ADGRB3: variants seen among roughly 807,000 people sequenced by gnomAD.
ADGRB3 encodes adhesion G protein-coupled receptor B3.
In ADGRB3, 37 loss-of-function variants were observed where a neutral mutation model predicts 193.4. The ratio of observed to expected loss-of-function variants is 0.19; its 90% CI spans 0.15 to 0.25. ADGRB3 has a LOEUF of 0.25. Ranked by LOEUF, ADGRB3 falls within the 10% of genes least tolerant of loss-of-function variation. The pLI, the probability that ADGRB3 is intolerant of heterozygous loss-of-function variation, is 1.00. For missense variants in ADGRB3, 1,637 were observed against 1,852.9 expected, an observed-to-expected ratio of 0.88 and a Z score of 2.14; for synonymous variants, 690 against 644.2, an observed-to-expected ratio of 1.07 and a Z score of -1.08.
chr6:69,272,385 G>A (rs1209087808), intron 20 of ADGRB3, among the ~76,000 whole-genome samples: 4 of 152,082 alleles, frequency 2.6e-5, no homozygotes, highest in Admixed American at 2.0e-4. Context: ...AAATAATTCT[G>A]CACAACAAAA....
intron 29 of ADGRB3, among the ~76,000 whole-genome samples, chr6:69,363,755 G>A (rs913762046): frequency 2.6e-5 from 4 of 151,926 alleles, no homozygotes; most frequent in African/African-American, 9.7e-5. Context: ...TTTGGAAATG[G>A]GGCTGTGTTC....
At chr6:69,087,681 A>C (rs1167637572) in intron 17 of ADGRB3, among the ~76,000 whole-genome samples, 1 of 152,168 alleles carries the variant, frequency 6.6e-6, no homozygotes, top group African/African-American at 2.4e-5. Context: ...CAAATGAACC[A>C]TGAGAGTTGA....
intron 3 of ADGRB3, among the ~76,000 whole-genome samples, chr6:68,894,587 A>G (rs72902997): frequency 0.034 from 5,095 of 152,048 alleles, 130 homozygotes; most frequent in Non-Finnish European, 0.051. Context: ...AGTAGAAAGT[A>G]GATAATTACC....
At chr6:69,210,965 A>G (rs1765651500) in intron 17 of ADGRB3, among the ~76,000 whole-genome samples, 1 of 151,962 alleles carries the variant, frequency 6.6e-6, no homozygotes, top group African/African-American at 2.4e-5. Flanking sequence ...AATACAAAAA[A>G]AAAAAAATTA....
Position 69,360,987 on chromosome 6 carries a change from A to C in ADGRB3, c.3714A>C (p.Ser1238=). 6.2e-7 allele frequency: 1 copy of C among 1,612,848 alleles called. No homozygotes were observed. The change falls in exon 29 of 32, where the codon TCA becomes TCC. Residue 1238 remains serine (S), a synonymous_variant. Coordinates refer to ENST00000370598, the MANE Select transcript of ADGRB3 (RefSeq NM_001704.3). The stretch of plus-strand genomic sequence containing the variant: ...CAAACCCTGAAGGGCTAAGCTATTC[A>C]ACATTGCCTGGAAATGTCATTTCCA... ...KGTNPEGLSY[S]TLPGNVISKV...
At chr6:69,379,403 A>T (rs2127344412) in intron 30 of ADGRB3, among the ~76,000 whole-genome samples, 1 of 152,188 alleles carries the variant, frequency 6.6e-6, no homozygotes, top group Non-Finnish European at 1.5e-5. Context: ...ATAGACCAAT[A>T]GATTTATAAG....
chr6:68,960,311 T>C (rs1768196218), intron 8 of ADGRB3, among the ~76,000 whole-genome samples: 1 of 152,182 alleles, frequency 6.6e-6, no homozygotes, highest in Non-Finnish European at 1.5e-5. Context: ...GTGAAGTAAG[T>C]CAGCCATATC....
At chr6:68,891,399 T>G (rs1006688775) in intron 3 of ADGRB3, among the ~76,000 whole-genome samples, 1 of 152,192 alleles carries the variant, frequency 6.6e-6, no homozygotes, top group African/African-American at 2.4e-5. Flanking sequence ...TTTGAGGACC[T>G]TGATTTAAAC....
At chr6:69,008,274 T>C (rs749507190) in intron 11 of ADGRB3, among the ~76,000 whole-genome samples, 4 of 152,152 alleles carry the variant, frequency 2.6e-5, no homozygotes, top group Non-Finnish European at 5.9e-5. Flanking sequence ...CTCATATGTC[T>C]TGTTCACTAT....
chr6:69,280,357 A>G (rs1294207888), intron 20 of ADGRB3, among the ~76,000 whole-genome samples: 13 of 152,036 alleles, frequency 8.6e-5, no homozygotes, highest in Non-Finnish European at 1.2e-4. Flanking sequence ...TGCCCTACAT[A>G]TATTTGATTT....
intron 13 of ADGRB3, among the ~76,000 whole-genome samples, chr6:69,027,493 A>T (rs184591735): frequency 6.6e-6 from 1 of 152,228 alleles, no homozygotes. Context: ...ACAGTATAGT[A>T]AATACTAAGC....
chr6:68,799,568 T>TA (rs560207304), intron 3 of ADGRB3, among the ~76,000 whole-genome samples: 2 of 151,870 alleles, frequency 1.3e-5, no homozygotes, highest in African/African-American at 2.4e-5. Flanking sequence ...CTACAAAACA[T>TA]AAAAAAAAGT....
Position 68,956,727 on chromosome 6 carries a change from C to T in ADGRB3, c.1443C>T (p.Thr481=), listed in dbSNP as rs758220338. The change falls in exon 8 of 32, where the codon ACC becomes ACT. Residue 481 remains threonine, a synonymous_variant. Transcript: ENST00000370598. Reference sequence around the variant, plus strand: ...GCGGCTGGGAAAGGCGAATAAGGACCTGTCAGGGTGCAGTGATAACAGGGC... The same window carrying T: ...GCGGCTGGGAAAGGCGAATAAGGACTTGTCAGGGTGCAGTGATAACAGGGC... The part of the protein sequence containing the change: ...CDGGWERRIR[T]CQGAVITGQQ... The T allele has an allele frequency of 4.3e-6, 7 of 1,613,968 alleles. No individual in the cohort carries two copies. The highest frequency in any genetic ancestry group is 4.5e-5 in the East Asian group (2 of 44,838).
chr6:68,867,166 C>A, intron 3 of ADGRB3, among the ~76,000 whole-genome samples: 1 of 152,114 alleles, frequency 6.6e-6, no homozygotes, highest in East Asian at 1.9e-4. Flanking sequence ...ACCTGGAGGC[C>A]TAGGAAGGAA....
intron 3 of ADGRB3, among the ~76,000 whole-genome samples, chr6:68,721,627 AATATATATATAT>A (rs71852236): frequency 4.3e-5 from 6 of 140,264 alleles, no homozygotes; most frequent in East Asian, 2.1e-4. Flanking sequence ...AAGTATAATA[AATATATATATAT>A]ATATATATAT....
At chr6:68,956,237 C>G in intron 7 of ADGRB3, 49 bp downstream of exon 7, 1 of 1,529,008 alleles carries the variant, frequency 6.5e-7, no homozygotes, top group South Asian at 1.3e-5. Context: ...ATGTAAAGGG[C>G]ACATTATAAA....
intron 20 of ADGRB3, among the ~76,000 whole-genome samples, chr6:69,252,658 G>A (rs905373314): frequency 1.3e-5 from 2 of 151,906 alleles, no homozygotes; most frequent in African/African-American, 4.8e-5. Context: ...CTATTGTGAT[G>A]TGTCTGTTCA....
intron 17 of ADGRB3, among the ~76,000 whole-genome samples, chr6:69,189,094 C>G (rs969025447): frequency 2.7e-4 from 41 of 152,294 alleles, no homozygotes; most frequent in Non-Finnish European, 2.9e-5. Context: ...ATCATTTCTT[C>G]TGGAACACTA....
chr6:68,740,471 A>G (rs536106802), intron 3 of ADGRB3, among the ~76,000 whole-genome samples: 3 of 152,338 alleles, frequency 2.0e-5, no homozygotes, highest in Admixed American at 1.3e-4. Context: ...TAATTAGAGC[A>G]TCTTTAAGAA....
Sources: allele counts gnomAD v4.1 joint callset (sites outside exome capture counted in the v4.1 genomes callset), GRCh38; gene constraint gnomAD v4.1.1; transcripts MANE v1.5; gene names NCBI Gene and HGNC (gene_info 2026-07-23, HGNC 2026-07-21).